The following DCDC1 variants were observed in gnomAD, a reference collection of about 807,000 sequenced individuals.
The protein encoded by DCDC1 is doublecortin domain containing 1.
DCDC1 carries 200 observed loss-of-function variants against 178.3 expected under a neutral mutation model. The observed-to-expected ratio is 1.12, with a 90% confidence interval of 1.00 to 1.26. DCDC1 has a LOEUF of 1.26. DCDC1 is among the 50% of genes most tolerant of loss of function. The pLI, the probability that DCDC1 is intolerant of heterozygous loss-of-function variation, is 0.00. For synonymous variants in DCDC1, 690 were observed against 604.8 expected, an observed-to-expected ratio of 1.14 and a Z score of -2.07; for missense variants, 1,983 against 1,749.2, an observed-to-expected ratio of 1.13 and a Z score of -2.38.
intron 9 of DCDC1, among the ~76,000 whole-genome samples, chr11:31,219,868 C>A (rs1437159116): frequency 6.6e-6 from 1 of 152,100 alleles, no homozygotes; most frequent in Non-Finnish European, 1.5e-5. Context: ...TTATTAACCT[C>A]ATTTTACAGA....
chr11:31,244,694 T>C (rs1012473531), intron 8 of DCDC1, among the ~76,000 whole-genome samples: 1 of 151,790 alleles, frequency 6.6e-6, no homozygotes, highest in African/African-American at 2.4e-5. Context: ...GTTTGGAAGT[T>C]AATCATCCCT....
intron 11 of DCDC1, among the ~76,000 whole-genome samples, chr11:31,124,014 T>C (rs1381436932): frequency 6.6e-6 from 1 of 152,086 alleles, no homozygotes; most frequent in Non-Finnish European, 1.5e-5. Context: ...TTTCCTCTTT[T>C]GTTTGCTGGT....
chr11:31,036,533 A>C (rs1280767455), intron 20 of DCDC1, among the ~76,000 whole-genome samples: 1 of 152,214 alleles, frequency 6.6e-6, no homozygotes, highest in Admixed American at 6.5e-5. Flanking sequence ...ACCCCAAAAA[A>C]ATTCAAAAAT....
At chr11:31,001,661 G>A (rs1951587765) in intron 20 of DCDC1, among the ~76,000 whole-genome samples, 2 of 152,164 alleles carry the variant, frequency 1.3e-5, no homozygotes, top group African/African-American at 4.8e-5. Flanking sequence ...GTGTTCCCAA[G>A]CAAAGACAGA....
intron 8 of DCDC1, among the ~76,000 whole-genome samples, chr11:31,262,248 C>T (rs1591574121): frequency 7.0e-6 from 1 of 143,446 alleles, no homozygotes; most frequent in African/African-American, 2.6e-5. Flanking sequence ...GCCTGGGCAA[C>T]AGAGCAAGAC....
At chr11:30,919,240 A>C (rs532701180) in intron 25 of DCDC1, among the ~76,000 whole-genome samples, 2 of 152,268 alleles carry the variant, frequency 1.3e-5, no homozygotes, top group East Asian at 3.9e-4. Context: ...GTACAGAGAA[A>C]CATATGGAAT....
chr11:30,881,551 G>A (rs895857809), intron 36 of DCDC1, among the ~76,000 whole-genome samples: 3 of 152,128 alleles, frequency 2.0e-5, no homozygotes, highest in Non-Finnish European at 4.4e-5. Context: ...ATTTTTTCAT[G>A]GAATAAGGCT....
chr11:31,139,216 T>C (rs1436900708), intron 9 of DCDC1, among the ~76,000 whole-genome samples: 2 of 152,162 alleles, frequency 1.3e-5, no homozygotes, highest in African/African-American at 4.8e-5. Flanking sequence ...AACAAAACTT[T>C]AAAAAACAAC....
chr11:31,031,728 A>G (rs909566724), intron 20 of DCDC1, among the ~76,000 whole-genome samples: 3 of 152,160 alleles, frequency 2.0e-5, no homozygotes, highest in African/African-American at 7.2e-5. Flanking sequence ...TCACATTATT[A>G]GGTTCTTATG....
intron 31 of DCDC1, chr11:30,903,965 T>C (rs1469323859): frequency 4.4e-6 from 1 of 227,970 alleles, no homozygotes; most frequent in East Asian, 8.4e-5. Context: ...CATCAGAGTA[T>C]CTTCTAAGAA....
At position 30,915,727 on chromosome 11, in the gene DCDC1, C is replaced by T; in HGVS notation, c.3453-16G>A. The T allele has an allele frequency of 6.2e-7, 1 of 1,602,628 alleles. No individual in the cohort carries two copies. Among genetic ancestry groups the T allele is most frequent in the East Asian group, 2.2e-5 (1 of 44,568 alleles). On this transcript the variant is annotated splice_polypyrimidine_tract_variant and intron_variant, in intron 26 of 38. Coordinates refer to ENST00000684477, the MANE Select transcript of DCDC1 (RefSeq NM_001387274.1). ...TGGTGAACAGCTGAGATAAAGAAAT[C>T]TCTATTAGTGGCAGAAAAATGTCCC...
At chr11:30,939,079 A>C (rs1947468217) in intron 21 of DCDC1, among the ~76,000 whole-genome samples, 1 of 152,172 alleles carries the variant, frequency 6.6e-6, no homozygotes, top group South Asian at 2.1e-4. Context: ...CATCTCAGAC[A>C]CACATACTCG....
chr11:31,301,982 A>T (rs993982783), intron 6 of DCDC1, among the ~76,000 whole-genome samples: 1 of 152,206 alleles, frequency 6.6e-6, no homozygotes, highest in African/African-American at 2.4e-5. Flanking sequence ...AATCTTATTC[A>T]TAATACCAAG....
intron 20 of DCDC1, among the ~76,000 whole-genome samples, chr11:30,990,397 G>C (rs1950910418): frequency 6.6e-6 from 1 of 152,212 alleles, no homozygotes; most frequent in Non-Finnish European, 1.5e-5. Flanking sequence ...TGCACCGGAA[G>C]ATGCTCCTAG....
At chr11:31,274,939 T>C (rs1945869929) in intron 7 of DCDC1, among the ~76,000 whole-genome samples, 1 of 152,070 alleles carries the variant, frequency 6.6e-6, no homozygotes, top group South Asian at 2.1e-4. Flanking sequence ...GACCTCATGA[T>C]CTGCCTGCTT....
At chr11:31,222,517 A>G (rs982728089) in intron 9 of DCDC1, among the ~76,000 whole-genome samples, 3 of 152,212 alleles carry the variant, frequency 2.0e-5, no homozygotes, top group African/African-American at 7.2e-5. Context: ...TATTTGTTAC[A>G]GCAATATTCC....
rs1364743982 is a variant in DCDC1, at chr11:31,074,828, T to G, written c.2298+3037A>C. The stretch of plus-strand genomic sequence containing the variant: ...AGGATAGACAAAGCCTATATTACCA[T>G]GAATGGATCATAAAGGGTGACTCTG... On this transcript the variant is annotated intron_variant, in intron 18 of 38. Coordinates refer to ENST00000684477, the MANE Select transcript of DCDC1 (RefSeq NM_001387274.1). Among the ~76,000 whole-genome samples the G allele has an allele frequency of 2.0e-5, 3 of 152,162 alleles. No individual in the cohort carries two copies. The East Asian group carries it at 5.8e-4, about 29-fold the overall frequency.
intron 8 of DCDC1, among the ~76,000 whole-genome samples, chr11:31,250,001 T>G (rs560754983): frequency 9.3e-4 from 141 of 152,120 alleles, no homozygotes; most frequent in Non-Finnish European, 1.4e-3. Flanking sequence ...TGGAGAGAGA[T>G]TCAAGCTCCC....
At chr11:31,184,838 C>T (rs1969274667) in intron 9 of DCDC1, among the ~76,000 whole-genome samples, 1 of 152,134 alleles carries the variant, frequency 6.6e-6, no homozygotes, top group Non-Finnish European at 1.5e-5. Flanking sequence ...ATTAGTTCAA[C>T]CATTGTGGAA....
Sources: gnomAD v4.1 joint callset for allele counts (sites outside exome capture counted in the v4.1 genomes callset) on GRCh38, gnomAD v4.1.1 for gene constraint, MANE v1.5 for transcripts, NCBI Gene and HGNC (gene_info 2026-07-23, HGNC 2026-07-21) for gene names.